The following IGF1R variants were observed in gnomAD, a reference collection of about 807,000 sequenced individuals.
IGF1R encodes the protein insulin-like growth factor 1 receptor.
A neutral mutation model predicts 144.6 loss-of-function variants in IGF1R; 44 were observed. That is an observed-to-expected ratio of 0.30 (90% CI 0.24 to 0.39). The LOEUF (loss-of-function observed/expected upper bound fraction) is 0.39. Ranked by LOEUF, IGF1R falls within the 10% of genes least tolerant of loss-of-function variation. IGF1R has a pLI of 1.00. For synonymous variants in IGF1R, 795 were observed against 722.8 expected, an observed-to-expected ratio of 1.10 and a Z score of -1.60; for missense variants, 1,355 against 1,833.7, an observed-to-expected ratio of 0.74 and a Z score of 4.77.
intron 2 of IGF1R, among the ~76,000 whole-genome samples, chr15:98,821,772 C>G (rs577322228): frequency 6.6e-6 from 1 of 152,246 alleles, no homozygotes; most frequent in South Asian, 2.1e-4. Context: ...GAATAGAGTA[C>G]CTGGGGCTCA....
Position 98,881,811 on chromosome 15 carries a change from T to G in IGF1R, c.641-9514T>G, listed in dbSNP as rs568681266. 2.3e-3 allele frequency among the ~76,000 whole-genome samples: 349 copies of G among 152,268 alleles called. 1 individual carries two copies. The highest frequency in any genetic ancestry group is 4.4e-3 in the Non-Finnish European group (301 of 68,004). On this transcript the variant is annotated intron_variant, in intron 2 of 20. Coordinates refer to ENST00000650285, the MANE Select transcript of IGF1R (RefSeq NM_000875.5). ...TGAGGATAATGATACTGCCCCCTTG[T>G]GATCATTAGGGGGATTAAATTAAAT...
At chr15:98,751,298 T>A (rs957339568) in intron 2 of IGF1R, among the ~76,000 whole-genome samples, 2 of 152,166 alleles carry the variant, frequency 1.3e-5, no homozygotes, top group African/African-American at 4.8e-5. Context: ...GCTCCTGGCT[T>A]AAGTGCTCTT....
chr15:98,940,131 G>A lies in IGF1R; in HGVS notation c.3457+771G>A, dbSNP rs183231058. 3.8e-4 allele frequency among the ~76,000 whole-genome samples: 58 copies of A among 152,310 alleles called. 2 individuals carry two copies. The highest frequency in any genetic ancestry group is 3.4e-3 in the Middle Eastern group (1 of 294). ...TAATAAAAACACACATAACATCAGG[G>A]CTGCTCAGGAAACCACCTGCTTTTA... On this transcript the variant is annotated intron_variant, in intron 18 of 20. Transcript: ENST00000650285.
At chr15:98,917,215 G>C (rs1476107946) in intron 10 of IGF1R, among the ~76,000 whole-genome samples, 1 of 152,194 alleles carries the variant, frequency 6.6e-6, no homozygotes, top group Non-Finnish European at 1.5e-5. Context: ...TGCCTGGTGA[G>C]AGGAAAGGCC....
rs911143271 is a variant in IGF1R at position 98,648,848 on chromosome 15, C to G, written c.-734C>G. On this transcript the variant is annotated 5_prime_UTR_variant, in exon 1 of 21. Transcript: ENST00000650285. ...AGCCGGAGCCCCCGCGCAGAGCAGG[C>G]GGCGGCGGGCGGGGGCCGGGCGGGG... The G allele has an allele frequency of 6.8e-5, 10 of 147,688 alleles. No individual in the cohort carries two copies. Among genetic ancestry groups the G allele is most frequent in the Non-Finnish European group, 1.3e-4 (9 of 66,786 alleles). 9.1% of individuals were successfully genotyped at this position (147,688 alleles called of 1,614,324 possible). A position where few individuals can be genotyped will look rare whatever the true frequency, so the allele number is the denominator to read the frequency against.
intron 1 of IGF1R, among the ~76,000 whole-genome samples, chr15:98,663,029 C>A (rs530677281): frequency 8.6e-5 from 13 of 152,036 alleles, no homozygotes; most frequent in Non-Finnish European, 1.8e-4. Context: ...ATAGACACCC[C>A]GGTGTGAGCC....
chr15:98,819,986 G>C (rs749077033), intron 2 of IGF1R, among the ~76,000 whole-genome samples: 14 of 152,292 alleles, frequency 9.2e-5, no homozygotes, highest in Non-Finnish European at 1.8e-4. Context: ...CAGTGTCTTA[G>C]TAGTGTATGA....
intron 2 of IGF1R, among the ~76,000 whole-genome samples, chr15:98,780,661 T>C (rs1211879610): frequency 2.0e-5 from 3 of 151,932 alleles, no homozygotes; most frequent in African/African-American, 7.2e-5. Context: ...TTTTATAGTT[T>C]CCTATTTACA....
chr15:98,758,962 A>G (rs887270001), intron 2 of IGF1R, among the ~76,000 whole-genome samples: 5 of 152,246 alleles, frequency 3.3e-5, no homozygotes, highest in Non-Finnish European at 4.4e-5. Flanking sequence ...GTGCTGCATC[A>G]GCGGGGCTGG....
At chr15:98,854,417 A>C (rs2011678339) in intron 2 of IGF1R, among the ~76,000 whole-genome samples, 1 of 151,666 alleles carries the variant, frequency 6.6e-6, no homozygotes, top group Non-Finnish European at 1.5e-5. Context: ...TTTGCCTGGC[A>C]CTCTCCTGGG....
intron 6 of IGF1R, among the ~76,000 whole-genome samples, chr15:98,910,863 G>A (rs2014980180): frequency 6.6e-6 from 1 of 152,322 alleles, no homozygotes; most frequent in African/African-American, 2.4e-5. Flanking sequence ...CCTGTCTTTG[G>A]TGGTTGTACA....
intron 18 of IGF1R, 99 bp from the exon 19 acceptor site, chr15:98,942,824 C>A: frequency 6.6e-7 from 1 of 1,509,304 alleles, no homozygotes; most frequent in Non-Finnish European, 9.2e-7. Flanking sequence ...CTGTGTCTTG[C>A]CTTGCGTCTC....
Position 98,707,402 on chromosome 15 carries a change from A to C in IGF1R, c.95-160A>C, listed in dbSNP as rs767748057. 7.9e-5 allele frequency among the ~76,000 whole-genome samples: 12 copies of C among 152,170 alleles called. No individual in the cohort carries two copies. The highest frequency in any genetic ancestry group is 1.3e-4 in the Non-Finnish European group (9 of 68,032). On this transcript the variant is annotated intron_variant, in intron 1 of 20. Transcript: ENST00000650285. The surrounding 1 kb of genome is among the most constrained non-coding windows in gnomAD (Gnocchi z 6.7). ...TGCCAGCTAACTGGTTAGCCACCTA[A>C]ACTGTCAGTCTGCAACCCACAGCTC...
Position 98,961,714 on chromosome 15 carries a change from G to A in IGF1R, c.*4272G>A, listed in dbSNP as rs1445111513. 8.6e-6 allele frequency: 2 copies of A among 233,660 alleles called. No individual in the cohort carries two copies. Among genetic ancestry groups the A allele is most frequent in the East Asian group, 1.2e-4 (2 of 16,590 alleles). 14.5% of individuals were successfully genotyped at this position (233,660 alleles called of 1,614,324 possible). On this transcript the variant is annotated 3_prime_UTR_variant, in exon 21 of 21. Coordinates refer to ENST00000650285, the MANE Select transcript of IGF1R (RefSeq NM_000875.5). ...CTTCCCTGAGGCAGCAGGAGCTGGT[G>A]TGTACTGGAGACACTGTTGAACTTG...
chr15:98,760,699 A>T (rs1191034217), intron 2 of IGF1R, among the ~76,000 whole-genome samples: 1 of 152,172 alleles, frequency 6.6e-6, no homozygotes, highest in Non-Finnish European at 1.5e-5. Context: ...ACTTGTAGTG[A>T]TTGGAATGTG....
intron 2 of IGF1R, among the ~76,000 whole-genome samples, chr15:98,843,332 TTAACTC>T (rs1228446718): frequency 1.3e-5 from 2 of 152,164 alleles, no homozygotes; most frequent in Admixed American, 6.5e-5. Context: ...GCAGAACAAA[TTAACTC>T]TAAACGGATT....
chr15:98,650,197 G>A (rs559022826), intron 1 of IGF1R, among the ~76,000 whole-genome samples: 2 of 152,176 alleles, frequency 1.3e-5, no homozygotes, highest in Non-Finnish European at 2.9e-5. Context: ...GCCCTCGAGG[G>A]GGGAGGTGCC....
chr15:98,812,050 CAG>C (rs1416248937), intron 2 of IGF1R, among the ~76,000 whole-genome samples: 1 of 152,194 alleles, frequency 6.6e-6, no homozygotes, highest in African/African-American at 2.4e-5. Context: ...TTCTTTGTTT[CAG>C]AGTTTTAAGT....
intron 2 of IGF1R, among the ~76,000 whole-genome samples, chr15:98,738,366 C>A (rs753057747): frequency 9.9e-5 from 15 of 152,158 alleles, no homozygotes; most frequent in Non-Finnish European, 1.8e-4. Context: ...TCTAAATGAG[C>A]GGGCTTTAAA....
Sources: gnomAD v4.1 joint callset for allele counts (sites outside exome capture counted in the v4.1 genomes callset) on GRCh38, gnomAD v4.1.1 for gene constraint, Gnocchi (gnomAD v3.1) non-coding constraint, MANE v1.5 for transcripts, NCBI Gene and HGNC (gene_info 2026-07-23, HGNC 2026-07-21) for gene names.